Variants in SPOCK1 observed in about 807,000 individuals in gnomAD.
SPOCK1 encodes the protein SPARC (osteonectin), cwcv and kazal like domains proteoglycan 1.
In SPOCK1, 23 loss-of-function variants were observed where a neutral mutation model predicts 55.3. The ratio of observed to expected loss-of-function variants is 0.42; its 90% CI spans 0.30 to 0.59. The LOEUF is 0.59. Ranked by LOEUF, SPOCK1 falls within the 20% of genes least tolerant of loss-of-function variation. The pLI, the probability that SPOCK1 is intolerant of heterozygous loss-of-function variation, is 0.22. For missense variants in SPOCK1, 499 were observed against 552.5 expected (o/e 0.90, Z 0.97); for synonymous variants, 226 against 221.0 (o/e 1.02, Z -0.20).
intron 6 of SPOCK1, 130 bp from the exon 7 acceptor site, chr5:136,992,730 G>A (rs928299060): frequency 1.6e-6 from 1 of 617,834 alleles, no homozygotes; most frequent in Non-Finnish European, 2.8e-6. Flanking sequence ...ACCTCACGTG[G>A]AAAACACCCC....
intron 6 of SPOCK1, among the ~76,000 whole-genome samples, chr5:137,063,952 C>T (rs1180274199): frequency 6.6e-6 from 1 of 152,118 alleles, no homozygotes; most frequent in Non-Finnish European, 1.5e-5. Context: ...GCCAGAAAAC[C>T]ACGGAAGGGC....
intron 5 of SPOCK1, among the ~76,000 whole-genome samples, chr5:137,110,955 G>A (rs1753456439): frequency 6.6e-6 from 1 of 152,154 alleles, no homozygotes; most frequent in African/African-American, 2.4e-5. Context: ...CCACTTTCCT[G>A]TTTGTAAGAA....
chr5:137,379,724 G>T lies in SPOCK1; in HGVS notation c.187-112669C>A, dbSNP rs113190451. Among the ~76,000 whole-genome samples the T allele has an allele frequency of 9.5e-3, 1,449 of 152,266 alleles. 18 individuals carry two copies. The highest frequency in any genetic ancestry group is 0.033 in the African/African-American group (1,360 of 41,528). ...GCATCTGACTTGAATGTGAGATTTT[G>T]CTCTGATGAGCCAAGACATGCTTGG... On this transcript the variant is annotated intron_variant, in intron 2 of 10. Coordinates refer to ENST00000394945, the MANE Select transcript of SPOCK1 (RefSeq NM_004598.4).
chr5:137,252,559 G>C (rs1314354775), intron 3 of SPOCK1, among the ~76,000 whole-genome samples: 1 of 152,172 alleles, frequency 6.6e-6, no homozygotes. Context: ...GAACATCCCT[G>C]CAGACAGAAA....
intron 2 of SPOCK1, among the ~76,000 whole-genome samples, chr5:137,371,464 G>T (rs1485036850): frequency 2.0e-5 from 3 of 152,156 alleles, no homozygotes; most frequent in African/African-American, 7.2e-5. Flanking sequence ...AGTCAAAGTA[G>T]CTTGGTAAAT....
intron 6 of SPOCK1, among the ~76,000 whole-genome samples, chr5:137,062,427 G>A (rs1390556423): frequency 4.0e-5 from 6 of 151,888 alleles, no homozygotes; most frequent in African/African-American, 9.7e-5. Flanking sequence ...CAGATGCTCA[G>A]GTTCAGAAGG....
At chr5:137,191,191 C>T (rs968986890) in intron 3 of SPOCK1, among the ~76,000 whole-genome samples, 5 of 152,208 alleles carry the variant, frequency 3.3e-5, no homozygotes, top group Non-Finnish European at 1.5e-5. Flanking sequence ...GTTACTTAAC[C>T]TCTCTGAGTG....
intron 2 of SPOCK1, among the ~76,000 whole-genome samples, chr5:137,282,018 C>T (rs753424311): frequency 1.3e-5 from 2 of 152,160 alleles, no homozygotes; most frequent in Non-Finnish European, 2.9e-5. Context: ...AGCATTTAAC[C>T]TTCCTAGGCT....
At chr5:137,209,761 T>A (rs1282397881) in intron 3 of SPOCK1, among the ~76,000 whole-genome samples, 10 of 152,176 alleles carry the variant, frequency 6.6e-5, no homozygotes, top group Non-Finnish European at 1.3e-4. Flanking sequence ...ATTCATACAG[T>A]CAATTAGCAT....
intron 2 of SPOCK1, among the ~76,000 whole-genome samples, chr5:137,418,411 A>C (rs1371334999): frequency 6.6e-6 from 1 of 152,188 alleles, no homozygotes; most frequent in Non-Finnish European, 1.5e-5. Flanking sequence ...ACTAGTTTAC[A>C]GTCCCACCAA....
rs1383796879 is a variant in SPOCK1 at position 137,436,824 on chromosome 5, G to T, written c.186+61549C>A. On this transcript the variant is annotated intron_variant, in intron 2 of 10. Coordinates refer to ENST00000394945, the MANE Select transcript of SPOCK1 (RefSeq NM_004598.4). Reference sequence around the variant, plus strand: ...TCATAAGGATTCTGTAACATTTCCTGTTATGCTATTCCTGTGTGTTTTATA... The same window carrying T: ...TCATAAGGATTCTGTAACATTTCCTTTTATGCTATTCCTGTGTGTTTTATA... 2.0e-5 allele frequency among the ~76,000 whole-genome samples: 3 copies of T among 152,100 alleles called. No individual in the cohort carries two copies. In the East Asian group the frequency reaches 5.8e-4, roughly 29 times the overall value.
intron 2 of SPOCK1, among the ~76,000 whole-genome samples, chr5:137,428,820 T>C (rs1372939072): frequency 6.6e-6 from 1 of 152,188 alleles, no homozygotes; most frequent in Non-Finnish European, 1.5e-5. Context: ...ATCCTATCCA[T>C]TCTGCCTCCT....
chr5:137,092,302 C>T (rs555624336), intron 5 of SPOCK1, among the ~76,000 whole-genome samples: 191 of 152,308 alleles, frequency 1.3e-3, no homozygotes, highest in Admixed American at 2.7e-3. Context: ...AGATGTGTAA[C>T]GAGAGGCCCT....
rs531657148 is a variant in SPOCK1, at chr5:137,369,455, C to T, written c.187-102400G>A. ...TCCTCCTGAGGAGAACATATATAAG[C>T]AAAACCCCAACAGGCAATATCCACA... is the stretch of plus-strand genomic sequence containing the variant. On this transcript the variant is annotated intron_variant, in intron 2 of 10. Transcript: ENST00000394945. 5.9e-5 allele frequency among the ~76,000 whole-genome samples: 9 copies of T among 152,240 alleles called. No homozygotes were observed. In the South Asian group the frequency reaches 1.9e-3, roughly 32 times the overall value.
chr5:137,141,590 G>A (rs1754099788), intron 3 of SPOCK1, among the ~76,000 whole-genome samples: 2 of 152,150 alleles, frequency 1.3e-5, no homozygotes. Context: ...GGACCATGAC[G>A]GGCATATAAA....
intron 2 of SPOCK1, among the ~76,000 whole-genome samples, chr5:137,304,229 G>A (rs1757661580): frequency 6.6e-6 from 1 of 152,082 alleles, no homozygotes; most frequent in Non-Finnish European, 1.5e-5. Context: ...AGGTTTTGAT[G>A]TTCAAAGGCT....
At chr5:137,347,033 A>G (rs1422153344) in intron 2 of SPOCK1, among the ~76,000 whole-genome samples, 3 of 151,996 alleles carry the variant, frequency 2.0e-5, no homozygotes, top group Non-Finnish European at 2.9e-5. Context: ...ACATGTCTCA[A>G]AGGCACCACT....
At chr5:137,097,247 T>G (rs1343261562) in intron 5 of SPOCK1, among the ~76,000 whole-genome samples, 2 of 152,202 alleles carry the variant, frequency 1.3e-5, no homozygotes, top group South Asian at 2.1e-4. Context: ...TTTGCTTAAT[T>G]TATTAGGGAG....
intron 3 of SPOCK1, among the ~76,000 whole-genome samples, chr5:137,174,926 G>A (rs747649076): frequency 7.9e-5 from 12 of 152,128 alleles, no homozygotes; most frequent in Non-Finnish European, 1.6e-4. Flanking sequence ...ATAAAACCTT[G>A]CTAGAGGCCA....
Sources: gnomAD v4.1 joint callset for allele counts (sites outside exome capture counted in the v4.1 genomes callset) on GRCh38, gnomAD v4.1.1 for gene constraint, MANE v1.5 for transcripts, NCBI Gene and HGNC (gene_info 2026-07-23, HGNC 2026-07-21) for gene names.